Variants in KCNIP4 observed in about 807,000 individuals in gnomAD.
KCNIP4 encodes the protein Kv channel-interacting protein 4.
Under a neutral mutation model 34.0 loss-of-function variants are expected in KCNIP4, and 12 were observed. The observed-to-expected ratio is 0.35, with a 90% CI of 0.23 to 0.57. The LOEUF (loss-of-function observed/expected upper bound fraction) is 0.57. Ranked by LOEUF, KCNIP4 falls within the 20% of genes least tolerant of loss-of-function variation. The probability of loss-of-function intolerance (pLI) is 0.83; values close to 1 mark genes in which losing one functional copy is unlikely to be tolerated. For synonymous variants in KCNIP4, 124 were observed against 102.2 expected (o/e 1.21, Z -1.29); for missense variants, 238 against 311.7 (o/e 0.76, Z 1.78).
At chr4:21,085,921 C>A (rs1746386279) in intron 1 of KCNIP4, among the ~76,000 whole-genome samples, 1 of 152,114 alleles carries the variant, frequency 6.6e-6, no homozygotes, top group Non-Finnish European at 1.5e-5. Context: ...ACTGCATTTC[C>A]AGGTTATACT....
intron 1 of KCNIP4, among the ~76,000 whole-genome samples, chr4:21,342,028 C>T (rs1329933657): frequency 2.6e-5 from 4 of 152,058 alleles, no homozygotes; most frequent in East Asian, 1.9e-4. Flanking sequence ...TTCTTTTCTG[C>T]CCCATACCAA....
intron 5 of KCNIP4, among the ~76,000 whole-genome samples, chr4:20,734,982 C>T (rs888898549): frequency 3.3e-5 from 5 of 152,082 alleles, no homozygotes; most frequent in Admixed American, 6.6e-5. Context: ...TGTACCAGTG[C>T]GTACCCACAC....
At chr4:21,287,254 T>C (rs1365694307) in intron 1 of KCNIP4, among the ~76,000 whole-genome samples, 2 of 152,160 alleles carry the variant, frequency 1.3e-5, no homozygotes, top group African/African-American at 4.8e-5. Context: ...TCACATTAAT[T>C]TGGGAAATAA....
At chr4:21,737,274 T>C (rs774196665) in intron 1 of KCNIP4, among the ~76,000 whole-genome samples, 4 of 152,198 alleles carry the variant, frequency 2.6e-5, no homozygotes, top group Non-Finnish European at 4.4e-5. Flanking sequence ...CTGAGAAATA[T>C]AGTCACTGTT....
chr4:21,258,409 AAC>A, intron 1 of KCNIP4, among the ~76,000 whole-genome samples: 1 of 152,138 alleles, frequency 6.6e-6, no homozygotes, highest in African/African-American at 2.4e-5. Context: ...TACGCGTGGA[AAC>A]CAGAATACTA....
chr4:20,888,008 T>C (rs1403728357), intron 1 of KCNIP4, among the ~76,000 whole-genome samples: 1 of 151,974 alleles, frequency 6.6e-6, no homozygotes, highest in African/African-American at 2.4e-5. Context: ...AGTGGTACCA[T>C]ATGAACTCAA....
chr4:21,797,958 T>C (rs1312046969), intron 1 of KCNIP4, among the ~76,000 whole-genome samples: 1 of 152,134 alleles, frequency 6.6e-6, no homozygotes, highest in East Asian at 1.9e-4. Flanking sequence ...AGTGCTGTGA[T>C]AGTAATCAGA....
intron 1 of KCNIP4, among the ~76,000 whole-genome samples, chr4:21,256,283 G>T (rs1761056124): frequency 6.6e-6 from 1 of 152,122 alleles, no homozygotes. Flanking sequence ...AGCCAAAGGA[G>T]CTTTCTGAAC....
intron 1 of KCNIP4, among the ~76,000 whole-genome samples, chr4:21,285,832 T>C (rs1340259079): frequency 6.6e-6 from 1 of 152,062 alleles, no homozygotes; most frequent in African/African-American, 2.4e-5. Flanking sequence ...TACAGCGAGA[T>C]CCTGTCTCAA....
chr4:20,817,416 G>A (rs997188757), intron 3 of KCNIP4, among the ~76,000 whole-genome samples: 1 of 152,088 alleles, frequency 6.6e-6, no homozygotes, highest in African/African-American at 2.4e-5. Flanking sequence ...CCAGCTCCAC[G>A]CTGCTCCCAT....
At chr4:21,353,521 T>G (rs939637495) in intron 1 of KCNIP4, among the ~76,000 whole-genome samples, 4 of 152,114 alleles carry the variant, frequency 2.6e-5, no homozygotes, top group Non-Finnish European at 5.9e-5. Flanking sequence ...CAATAGCTGA[T>G]TTGATCAAGT....
At chr4:21,017,331 AT>A (rs1029014892) in intron 1 of KCNIP4, among the ~76,000 whole-genome samples, 3 of 152,118 alleles carry the variant, frequency 2.0e-5, no homozygotes, top group African/African-American at 7.2e-5. Flanking sequence ...ATTTATCCTG[AT>A]GCTCTCCCTT....
At chr4:21,822,718 C>CAT (rs1722429246) in intron 1 of KCNIP4, among the ~76,000 whole-genome samples, 1 of 72,652 alleles carries the variant, frequency 1.4e-5, no homozygotes, top group Admixed American at 2.1e-4. Flanking sequence ...TATTAATTTT[C>CAT]CTTTTTTTTT....
rs892264114 is a variant in KCNIP4 at position 21,512,472 on chromosome 4, T to C, written c.61+436099A>G. On this transcript the variant is annotated intron_variant, in intron 1 of 8. Coordinates refer to ENST00000382152, the MANE Select transcript of KCNIP4 (RefSeq NM_025221.6). ...AAATTTGAAGCACAGTAAATGACAATTGCTCCTTGGTAAAAGATGACAAAA... is the reference window on the plus strand; with the variant it reads ...AAATTTGAAGCACAGTAAATGACAACTGCTCCTTGGTAAAAGATGACAAAA... Among the ~76,000 whole-genome samples the C allele has an allele frequency of 3.3e-5, 5 of 152,130 alleles. No homozygotes were observed. In the East Asian group the frequency reaches 5.8e-4, roughly 18 times the overall value.
intron 1 of KCNIP4, among the ~76,000 whole-genome samples, chr4:21,596,303 G>A (rs1427015240): frequency 6.6e-6 from 1 of 151,986 alleles, no homozygotes; most frequent in Non-Finnish European, 1.5e-5. Context: ...CACCATAATT[G>A]GGCTTCAAAG....
intron 1 of KCNIP4, among the ~76,000 whole-genome samples, chr4:21,376,798 G>A (rs1024041624): frequency 1.2e-4 from 18 of 152,086 alleles, no homozygotes; most frequent in Non-Finnish European, 1.9e-4. Flanking sequence ...TTAGACTTGC[G>A]GATTGCACCC....
rs556270412 is a variant in KCNIP4 at position 21,607,580 on chromosome 4, G to A, written c.61+340991C>T. On this transcript the variant is annotated intron_variant, in intron 1 of 8. Transcript: ENST00000382152. The stretch of plus-strand genomic sequence containing the variant: ...TTAGAAAGCACCCGATTTGATCCCG[G>A]GATCTCCCCAGCCATTCATTCACTC... 4.0e-5 allele frequency among the ~76,000 whole-genome samples: 6 copies of A among 151,790 alleles called. No individual in the cohort carries two copies. The East Asian group carries it at 1.0e-3, about 25-fold the overall frequency.
intron 1 of KCNIP4, among the ~76,000 whole-genome samples, chr4:21,553,204 T>C (rs1353161890): frequency 6.6e-6 from 1 of 151,834 alleles, no homozygotes; most frequent in African/African-American, 2.4e-5. Context: ...AGTCTGAGAG[T>C]TGTTTATTGC....
chr4:20,798,232 TC>T (rs1481814396), intron 3 of KCNIP4, among the ~76,000 whole-genome samples: 1 of 152,186 alleles, frequency 6.6e-6, no homozygotes, highest in African/African-American at 2.4e-5. Context: ...TATTTACTGT[TC>T]CTAAACATTA....
Sources: allele counts gnomAD v4.1 joint callset (sites outside exome capture counted in the v4.1 genomes callset), GRCh38; gene constraint gnomAD v4.1.1; transcripts MANE v1.5; gene names NCBI Gene and HGNC (gene_info 2026-07-23, HGNC 2026-07-21).